TMEM8B: variants seen among roughly 807,000 people sequenced by gnomAD.
The protein encoded by TMEM8B is transmembrane protein 8B.
A neutral mutation model predicts 49.3 loss-of-function variants in TMEM8B; 29 were observed. That is an observed-to-expected ratio of 0.59 (90% CI 0.44 to 0.80). TMEM8B has a LOEUF of 0.80. Ranked by LOEUF, TMEM8B falls within the 30% of genes least tolerant of loss-of-function variation. The pLI is 0.00. For missense variants in TMEM8B, 575 were observed against 658.5 expected, an observed-to-expected ratio of 0.87 and a Z score of 1.39; for synonymous variants, 264 against 272.8, an observed-to-expected ratio of 0.97 and a Z score of 0.32.
chr9:35,836,967 T>A (rs534150563), intron 3 of TMEM8B, among the ~76,000 whole-genome samples: 55 of 152,274 alleles, frequency 3.6e-4, no homozygotes, highest in African/African-American at 1.3e-3. Context: ...ACTTCTGTAG[T>A]CTTATATGGT....
rs1171525751 is a variant in TMEM8B at position 35,841,672 on chromosome 9, C to T, written c.1187C>T (p.Ala396Val). Reference sequence around the variant, plus strand: ...TCAAGCTCTGTGGCCTGTGGAGGTGCCTCAGGATGCCAGCTGGAGCTGGCA... The same window carrying T: ...TCAAGCTCTGTGGCCTGTGGAGGTGTCTCAGGATGCCAGCTGGAGCTGGCA... ...HNSSSVACGG[A>V]SGCQLELALP... The change falls in exon 5 of 13, where the codon GCC becomes GTC. Residue 396 changes from alanine to valine, a missense_variant. Physicochemically the swap from Ala to Val is moderately conservative, Grantham distance 64. Coordinates refer to ENST00000643932, the MANE Select transcript of TMEM8B (RefSeq NM_001042590.4). The surrounding 1 kb of genome is among the most constrained non-coding windows in gnomAD (Gnocchi z 5.9). 9 of 415,838 alleles carry T rather than the reference C, an allele frequency of 2.2e-5. No homozygotes were observed. The Admixed American group carries it at 4.0e-4, about 18-fold the overall frequency. The allele number at this position is 415,838 out of a possible 1,614,324, so 25.8% of individuals were successfully genotyped here.
intron 1 of TMEM8B, among the ~76,000 whole-genome samples, chr9:35,832,503 G>A (rs1588120307): frequency 6.6e-6 from 1 of 152,096 alleles, no homozygotes; most frequent in African/African-American, 2.4e-5. Context: ...CCTGGCCACT[G>A]TGGGGATGGC....
At position 35,862,136 on chromosome 9, in the gene TMEM8B, T is replaced by C. The variant is rs904418070; in HGVS notation, c.*8296T>C. On this transcript the variant is annotated 3_prime_UTR_variant, in exon 13 of 13. Transcript: ENST00000643932. ...AAATAGTTATTGAGCACCTACTATG[T>C]GTTAGGCCCTGGGCCAGGTGCTGGG... The C allele has an allele frequency of 3.3e-5, 5 of 152,212 alleles. No homozygotes were observed. Among genetic ancestry groups the C allele is most frequent in the African/African-American group, 1.2e-4 (5 of 41,448 alleles). 9.4% of individuals were successfully genotyped at this position (152,212 alleles called of 1,614,324 possible). A position where few individuals can be genotyped will look rare whatever the true frequency, so the allele number is the denominator to read the frequency against.
chr9:35,852,753 G>C lies in TMEM8B; in HGVS notation c.2176-74G>C, dbSNP rs373302263. On this transcript the variant is annotated intron_variant, in intron 10 of 12. Coordinates refer to ENST00000643932, the MANE Select transcript of TMEM8B (RefSeq NM_001042590.4). Reference sequence around the variant, plus strand: ...CACTGACAGCAGCACACCACCCCTGGGCCCACCCCTCCGGTTTTGTAGATC... The same window carrying C: ...CACTGACAGCAGCACACCACCCCTGCGCCCACCCCTCCGGTTTTGTAGATC... 40 of 1,582,134 alleles carry C rather than the reference G, an allele frequency of 2.5e-5. No individual in the cohort carries two copies. In the African/African-American group the frequency reaches 3.6e-4, roughly 14 times the overall value.
intron 3 of TMEM8B, among the ~76,000 whole-genome samples, chr9:35,837,191 T>TGG (rs938865712): frequency 1.1e-4 from 16 of 152,148 alleles, no homozygotes; most frequent in African/African-American, 3.4e-4. Context: ...GGCAGTGTGT[T>TGG]TCTAGGGTCC....
chr9:35,853,558 G>A lies in TMEM8B; in HGVS notation c.2493G>A (p.Trp831Ter), dbSNP rs200567238. The change falls in exon 13 of 13, where the codon TGG (tryptophan) becomes TGA (stop). Residue 831 changes from tryptophan to a stop codon, truncating the protein, a stop_gained. Coordinates refer to ENST00000643932, the MANE Select transcript of TMEM8B (RefSeq NM_001042590.4). LOFTEE classifies it high-confidence loss of function. The surrounding 1 kb of genome is among the most constrained non-coding windows in gnomAD (Gnocchi z 4.2). ...RHCYPPTWRR[W>*]LFYLCPGSLI... Reference sequence around the variant, plus strand: ...GCTACCCACCCACGTGGCGCCGCTGGCTTTTCTACTTGTGCCCTGGCAGCC... The same window carrying A: ...GCTACCCACCCACGTGGCGCCGCTGACTTTTCTACTTGTGCCCTGGCAGCC... The A allele has an allele frequency of 5.6e-6, 9 of 1,614,070 alleles. No individual in the cohort carries two copies. Among genetic ancestry groups the A allele is most frequent in the Non-Finnish European group, 7.6e-6 (9 of 1,180,052 alleles).
In TMEM8B at chr9:35,854,046, G is replaced by A. The variant is rs1172845882; in HGVS notation, c.*206G>A. 1 of 1,297,882 alleles carries A rather than the reference G, an allele frequency of 7.7e-7. No homozygotes were observed. The highest frequency in any genetic ancestry group is 9.7e-7 in the Non-Finnish European group (1 of 1,027,740). The allele number at this position is 1,297,882 out of a possible 1,614,324, so 80.4% of individuals were successfully genotyped here. ...GCCTGGAGTCCCCCTGCATCATGGA[G>A]TCCTTCTTAAGGACTGGAGCCTATG... On this transcript the variant is annotated 3_prime_UTR_variant, in exon 13 of 13. Coordinates refer to ENST00000643932, the MANE Select transcript of TMEM8B (RefSeq NM_001042590.4).
At chr9:35,851,622 C>G (rs570918009) in intron 10 of TMEM8B, among the ~76,000 whole-genome samples, 32 of 152,174 alleles carry the variant, frequency 2.1e-4, no homozygotes, top group Non-Finnish European at 4.1e-4. Context: ...TAGGCAGTCT[C>G]TTTTTGCAGG....
chr9:35,861,108 C>T lies in TMEM8B; in HGVS notation c.*7268C>T, dbSNP rs901474046. 2 of 152,280 alleles carry T rather than the reference C, an allele frequency of 1.3e-5. No homozygotes were observed. The highest frequency in any genetic ancestry group is 2.9e-5 in the Non-Finnish European group (2 of 68,064). 9.4% of individuals were successfully genotyped at this position (152,280 alleles called of 1,614,324 possible). On this transcript the variant is annotated 3_prime_UTR_variant, in exon 13 of 13. Coordinates refer to ENST00000643932, the MANE Select transcript of TMEM8B (RefSeq NM_001042590.4). ...TTATCACTCAGAAGATATAATCCAC[C>T]TCTCCCCTCCTGCCCTTCGCTCCTG...
intron 1 of TMEM8B, among the ~76,000 whole-genome samples, chr9:35,833,006 A>G (rs551878498): frequency 6.6e-6 from 1 of 152,246 alleles, no homozygotes; most frequent in African/African-American, 2.4e-5. Flanking sequence ...GAGACTGATC[A>G]TGTGGTCTGA....
At chr9:35,845,562 AC>A (rs1289215359) in intron 6 of TMEM8B, 1 of 985,278 alleles carries the variant, frequency 1.0e-6, no homozygotes, top group African/African-American at 1.7e-5. Flanking sequence ...TTCATGCTCC[AC>A]CTGTCTTGGG....
At position 35,842,570 on chromosome 9, in the gene TMEM8B, C is replaced by A. The variant is rs770509336; in HGVS notation, c.1488C>A (p.Asn496Lys). 2 of 1,614,232 alleles carry A rather than the reference C, an allele frequency of 1.2e-6. No homozygotes were observed. Among genetic ancestry groups the A allele is most frequent in the East Asian group, 4.5e-5 (2 of 44,882 alleles). The change falls in exon 6 of 13, where the codon AAC becomes AAA. Residue 496 changes from asparagine (N) to lysine (K), a missense_variant. Asn to Lys is a moderately conservative substitution (Grantham distance 94). Transcript: ENST00000643932. This position sits in a 1 kb window ranked among gnomAD's most constrained non-coding sequence, Gnocchi z 5.6. ...GGCCAGTGCGCCCGACTCTGCGCAA[C>A]GAGCTGGACACCTTCTCTGTCCACT... ...HCWPVRPTLR[N>K]ELDTFSVHFY...
At chr9:35,831,101 TAAG>T (rs1478404059) in intron 1 of TMEM8B, among the ~76,000 whole-genome samples, 1 of 152,082 alleles carries the variant, frequency 6.6e-6, no homozygotes, top group Non-Finnish European at 1.5e-5. Flanking sequence ...TGTACAAACT[TAAG>T]GAGACGAATG....
chr9:35,841,215 G>C lies in TMEM8B; in HGVS notation c.988G>C (p.Gly330Arg). The change falls in exon 4 of 13, where the codon GGC (glycine) becomes CGC (arginine). Residue 330 changes from glycine (G) to arginine (R), a missense_variant. Transcript: ENST00000643932. This position sits in a 1 kb window ranked among gnomAD's most constrained non-coding sequence, Gnocchi z 5.9. Reference sequence around the variant, plus strand: ...GCTGGACGTCGCTGTGCTGGTTCCTGGCCGGCCCTCAGAGCAAACCCTCTC... The same window carrying C: ...GCTGGACGTCGCTGTGCTGGTTCCTCGCCGGCCCTCAGAGCAAACCCTCTC... The part of the protein sequence containing the change: ...RLLDVAVLVP[G>R]RPSEQTLSPH... The C allele has an allele frequency of 2.4e-6, 1 of 416,166 alleles. No individual in the cohort carries two copies. Among genetic ancestry groups the C allele is most frequent in the Non-Finnish European group, 4.4e-6 (1 of 226,784 alleles). 25.8% of individuals were successfully genotyped at this position (416,166 alleles called of 1,614,324 possible). A position where few individuals can be genotyped will look rare whatever the true frequency, so the allele number is the denominator to read the frequency against.
chr9:35,834,085 G>GT (rs1444813517), intron 1 of TMEM8B, among the ~76,000 whole-genome samples: 15 of 142,044 alleles, frequency 1.1e-4, no homozygotes, highest in African/African-American at 1.6e-4. Flanking sequence ...CCACACATCT[G>GT]TTTTTTTTAG....
Position 35,853,653 on chromosome 9 carries a change from G to A in TMEM8B, c.2588G>A (p.Ser863Asn). 1 of 1,614,238 alleles carries A rather than the reference G, an allele frequency of 6.2e-7. No individual in the cohort carries two copies. The highest frequency in any genetic ancestry group is 2.2e-5 in the East Asian group (1 of 44,882). The change falls in exon 13 of 13, where the codon AGC becomes AAC. Residue 863 changes from serine (S) to asparagine (N), a missense_variant. Physicochemically the swap from Ser to Asn is conservative, Grantham distance 46. Coordinates refer to ENST00000643932, the MANE Select transcript of TMEM8B (RefSeq NM_001042590.4). This position sits in a 1 kb window ranked among gnomAD's most constrained non-coding sequence, Gnocchi z 4.2. The stretch of plus-strand genomic sequence containing the variant: ...CGGGACAACTACTTCTACATTCACA[G>A]CATTTGGCATATGCTCATTGCGGGC... ...ETRDNYFYIH[S>N]IWHMLIAGSV...
rs1475461380 is a variant in TMEM8B at position 35,863,910 on chromosome 9, G to A, written c.*10070G>A. On this transcript the variant is annotated 3_prime_UTR_variant, in exon 13 of 13. Transcript: ENST00000643932. Reference sequence around the variant, plus strand: ...TTATGACTCTCAGAAAGCTACTCTAGTGGCCATCTACCAGTGTCACGCAGT... The same window carrying A: ...TTATGACTCTCAGAAAGCTACTCTAATGGCCATCTACCAGTGTCACGCAGT... The A allele has an allele frequency of 1.3e-5, 2 of 152,270 alleles. No individual in the cohort carries two copies. Among genetic ancestry groups the A allele is most frequent in the African/African-American group, 4.8e-5 (2 of 41,472 alleles). 9.4% of individuals were successfully genotyped at this position (152,270 alleles called of 1,614,324 possible).
intron 9 of TMEM8B, 85 bp downstream of exon 9, chr9:35,846,696 T>TGC (rs1487214107): frequency 8.4e-6 from 13 of 1,542,242 alleles, no homozygotes; most frequent in Admixed American, 1.9e-5. Context: ...AGTAGGGGAG[T>TGC]GCGCAGCCTG....
chr9:35,845,648 CCTT>C lies in TMEM8B; in HGVS notation c.1636-324_1636-322del, dbSNP rs975535196. ...AGTTTCTATAACTGGCAACAGCCCT[CCTT>C]CTCCTTAATGAGCTAGATAGGACTG... On this transcript the variant is annotated intron_variant, in intron 6 of 12. Transcript: ENST00000643932. The C allele has an allele frequency of 1.9e-5, 19 of 985,430 alleles. No homozygotes were observed. The East Asian group carries it at 1.5e-3, about 77-fold the overall frequency. The allele number at this position is 985,430 out of a possible 1,614,324, so 61.0% of individuals were successfully genotyped here.
Sources: allele counts gnomAD v4.1 joint callset (sites outside exome capture counted in the v4.1 genomes callset), GRCh38; gene constraint gnomAD v4.1.1; non-coding constraint Gnocchi (gnomAD v3.1); transcripts MANE v1.5; gene names NCBI Gene and HGNC (gene_info 2026-07-23, HGNC 2026-07-21).